The following CFAP46 variants were observed in gnomAD, a reference collection of about 807,000 sequenced individuals.
CFAP46 encodes the protein cilia and flagella associated protein 46, also known as cilia- and flagella-associated protein 46.
In CFAP46, 245 loss-of-function variants were observed where a neutral mutation model predicts 325.7. That is an observed-to-expected ratio of 0.75 (90% confidence interval 0.68 to 0.84). The LOEUF (loss-of-function observed/expected upper bound fraction) is 0.84. Ranked by LOEUF, CFAP46 falls within the 40% of genes least tolerant of loss-of-function variation. CFAP46 has a pLI of 0.00. For missense variants in CFAP46, 3,346 were observed against 3,543.0 expected, an observed-to-expected ratio of 0.94 and a Z score of 1.41; for synonymous variants, 1,523 against 1,495.9, an observed-to-expected ratio of 1.02 and a Z score of -0.42.
intron 7 of CFAP46, among the ~76,000 whole-genome samples, chr10:132,935,487 C>T (rs113682301): frequency 0.069 from 3,690 of 53,616 alleles, 1 homozygote; most frequent in Middle Eastern, 0.16. Context: ...CCAAACACAC[C>T]GTGATCTCCT....
chr10:132,866,174 G>A lies in CFAP46; in HGVS notation c.4744-3C>T. 1 of 1,517,376 alleles carries A rather than the reference G, an allele frequency of 6.6e-7. No homozygotes were observed. The highest frequency in any genetic ancestry group is 8.8e-7 in the Non-Finnish European group (1 of 1,130,318). 94.0% of individuals were successfully genotyped at this position (1,517,376 alleles called of 1,614,324 possible). A position where few individuals can be genotyped will look rare whatever the true frequency, so the allele number is the denominator to read the frequency against. ...GTCTCCCCATTCATCTTCAAAATCT[G>A]TAAGATACCGCAGCCCCAGGCGGCA... On this transcript the variant is annotated splice_region_variant and splice_polypyrimidine_tract_variant and intron_variant, in intron 34 of 57. Coordinates refer to ENST00000368586, the MANE Select transcript of CFAP46 (RefSeq NM_001200049.3).
At chr10:132,824,861 T>C (rs1848006358) in intron 50 of CFAP46, among the ~76,000 whole-genome samples, 2 of 144,488 alleles carry the variant, frequency 1.4e-5, no homozygotes, top group South Asian at 2.3e-4. Context: ...TGTGTGTGTG[T>C]GCTGATGTGT....
At chr10:132,823,312 AGTGCTGATGTGTGCGGT>A (rs1201691986) in intron 50 of CFAP46, among the ~76,000 whole-genome samples, 7 of 45,306 alleles carry the variant, frequency 1.5e-4, no homozygotes, top group East Asian at 8.7e-4. Context: ...GTGCTGTGTG[AGTGCTGATGTGTGCGGT>A]GTGCTGATGT....
chr10:132,850,313 C>A lies in CFAP46; in HGVS notation c.5883G>T (p.Arg1961Ser). 1 of 1,551,534 alleles carries A rather than the reference C, an allele frequency of 6.4e-7. No homozygotes were observed. The highest frequency in any genetic ancestry group is 8.7e-7 in the Non-Finnish European group (1 of 1,147,430). ...IRARLLGLAG[R>S]ALHLLAMQAD... ...CTTGCATGGCCAGCAGGTGCAGGGC[C>A]CTCCCGGCCAGGCCCAGGAGCCGGG... is the stretch of plus-strand genomic sequence containing the variant. The change falls in exon 41 of 58, where the codon AGG (arginine) becomes AGT (serine). Residue 1961 changes from arginine to serine, a missense_variant. Physicochemically the swap from Arg to Ser is moderately radical, Grantham distance 110. Transcript: ENST00000368586.
rs2134733463 is a variant in CFAP46 at position 132,808,735 on chromosome 10, G to A, written c.7834C>T (p.Leu2612Phe). Reference sequence around the variant, plus strand: ...TGGGTTGGCAGAGGGGCAGAGCCAAGGGCAGAGGCAAGTGCTGGGGCCCCA... The same window carrying A: ...TGGGTTGGCAGAGGGGCAGAGCCAAAGGCAGAGGCAAGTGCTGGGGCCCCA... ...AAGAPALASA[L>F]GSAPLPTHPH... The change falls in exon 58 of 58, where the codon CTT (leucine) becomes TTT (phenylalanine). Residue 2612 changes from leucine to phenylalanine, a missense_variant. Physicochemically the swap from Leu to Phe is conservative, Grantham distance 22. Coordinates refer to ENST00000368586, the MANE Select transcript of CFAP46 (RefSeq NM_001200049.3). The surrounding 1 kb of genome is among the most constrained non-coding windows in gnomAD (Gnocchi z 6.8). 1.3e-6 allele frequency: 2 copies of A among 1,573,730 alleles called. No individual in the cohort carries two copies. Among genetic ancestry groups the A allele is most frequent in the Non-Finnish European group, 1.7e-6 (2 of 1,159,788 alleles).
rs139350042 is a variant in CFAP46 at position 132,837,657 on chromosome 10, GCA to G, written c.6439-745_6439-744del. Reference sequence around the variant, plus strand: ...GACACACACGCACACGTACACAGATGCACACAGACATGCACGGACACACATGC... The same window carrying G: ...GACACACACGCACACGTACACAGATGCACAGACATGCACGGACACACATGC... On this transcript the variant is annotated intron_variant, in intron 44 of 57. Coordinates refer to ENST00000368586, the MANE Select transcript of CFAP46 (RefSeq NM_001200049.3). 8.6e-3 allele frequency among the ~76,000 whole-genome samples: 930 copies of G among 107,632 alleles called. 10 individuals carry two copies. Among genetic ancestry groups the G allele is most frequent in the Non-Finnish European group, 0.014 (735 of 53,488 alleles). 70.6% of individuals were successfully genotyped at this position (107,632 alleles called of 152,430 possible). A position where few individuals can be genotyped will look rare whatever the true frequency, so the allele number is the denominator to read the frequency against.
rs1849119915 is a variant in CFAP46 at position 132,885,806 on chromosome 10, G to A, written c.3443+15C>T. 3.2e-6 allele frequency: 5 copies of A among 1,541,892 alleles called. No individual in the cohort carries two copies. In the East Asian group the frequency reaches 9.8e-5, roughly 30 times the overall value. On this transcript the variant is annotated intron_variant, in intron 26 of 57. Coordinates refer to ENST00000368586, the MANE Select transcript of CFAP46 (RefSeq NM_001200049.3). ...GGTGGAGGGAGCACTCACAGGCGGT[G>A]GGGGGAGCACTCACAGGCGGTGGGC...
At chr10:132,888,199 T>C (rs926665903) in intron 25 of CFAP46, among the ~76,000 whole-genome samples, 1 of 151,810 alleles carries the variant, frequency 6.6e-6, no homozygotes, top group African/African-American at 2.4e-5. Flanking sequence ...TGGGCACCAA[T>C]GCGGGCTCCA....
chr10:132,878,946 G>A (rs1177814041), intron 29 of CFAP46, among the ~76,000 whole-genome samples: 1 of 152,200 alleles, frequency 6.6e-6, no homozygotes, highest in African/African-American at 2.4e-5. Context: ...GTGGTAGGAG[G>A]AGCAGGACAA....
At chr10:132,898,524 C>T (rs1849347447) in intron 24 of CFAP46, 1 of 318,934 alleles carries the variant, frequency 3.1e-6, no homozygotes, top group Non-Finnish European at 6.1e-6. Context: ...CCCCGCCACC[C>T]CACTCTGCCT....
At position 132,828,742 on chromosome 10, in the gene CFAP46, G is replaced by A. The variant is rs1848100710; in HGVS notation, c.7117+4616C>T. Among the ~76,000 whole-genome samples, 1 of 152,214 alleles carries A rather than the reference G, an allele frequency of 6.6e-6. No individual in the cohort carries two copies. The highest frequency in any genetic ancestry group is 1.5e-5 in the Non-Finnish European group (1 of 68,014). On this transcript the variant is annotated intron_variant, in intron 50 of 57. Coordinates refer to ENST00000368586, the MANE Select transcript of CFAP46 (RefSeq NM_001200049.3). This position sits in a 1 kb window ranked among gnomAD's most constrained non-coding sequence, Gnocchi z 4.9. ...GGGTCTTTGGTCTCGGATCCATTTCGAGCTGATTTTCCTGCGTGGCGTGCG... is the reference window on the plus strand; with the variant it reads ...GGGTCTTTGGTCTCGGATCCATTTCAAGCTGATTTTCCTGCGTGGCGTGCG...
intron 44 of CFAP46, among the ~76,000 whole-genome samples, chr10:132,844,473 G>C (rs553584079): frequency 6.6e-6 from 1 of 152,284 alleles, no homozygotes; most frequent in African/African-American, 2.4e-5. Context: ...CCTTTCCCGA[G>C]GCTGCTGCGG....
chr10:132,910,388 T>A (rs921178637), intron 19 of CFAP46, among the ~76,000 whole-genome samples: 4 of 152,148 alleles, frequency 2.6e-5, no homozygotes, highest in Non-Finnish European at 5.9e-5. Context: ...GCAGCTGGTA[T>A]CGGTTGGGGG....
intron 50 of CFAP46, among the ~76,000 whole-genome samples, chr10:132,823,742 T>TGC (rs1176756658): frequency 8.7e-3 from 1,198 of 137,066 alleles, no homozygotes; most frequent in Non-Finnish European, 0.015. Context: ...GTGTGCTGTG[T>TGC]GCGCTGATGT....
chr10:132,941,934 C>G, intron 2 of CFAP46, 46 bp downstream of exon 2: 3 of 1,547,682 alleles, frequency 1.9e-6, no homozygotes, highest in Non-Finnish European at 1.7e-6. Context: ...GGCCCTCCCT[C>G]TCCCTGTCAA....
Position 132,810,460 on chromosome 10 carries a change from C to A in CFAP46, c.7613G>T (p.Arg2538Ile). ...RSVGRWEANW[R>I]NSASPSEDEW... ...ATCTTCTGAAGGAGACGCACTGTTT[C>A]TCCAATTGGCTTCCCAACGGCCAAC... The change falls in exon 57 of 58, where the codon AGA (arginine) becomes ATA (isoleucine). Residue 2538 changes from arginine to isoleucine, a missense_variant. Arg to Ile is a moderately conservative substitution (Grantham distance 97). Transcript: ENST00000368586. The A allele has an allele frequency of 6.2e-7, 1 of 1,613,688 alleles. No individual in the cohort carries two copies. The highest frequency in any genetic ancestry group is 8.5e-7 in the Non-Finnish European group (1 of 1,179,974).
intron 16 of CFAP46, 93 bp downstream of exon 16, chr10:132,918,300 G>A (rs1330376590): frequency 2.6e-6 from 2 of 769,016 alleles, no homozygotes; most frequent in Non-Finnish European, 3.3e-6. Context: ...CAGCACCGAT[G>A]AACGCCCCTC....
intron 17 of CFAP46, among the ~76,000 whole-genome samples, chr10:132,915,921 T>C (rs1374115201): frequency 6.6e-6 from 1 of 152,154 alleles, no homozygotes; most frequent in Non-Finnish European, 1.5e-5. Flanking sequence ...TTCTTGTCAA[T>C]TAAAAAAATA....
Position 132,865,702 on chromosome 10 carries a change from G to A in CFAP46, c.4890+323C>T, listed in dbSNP as rs1008583531. Among the ~76,000 whole-genome samples the A allele has an allele frequency of 2.0e-5, 3 of 152,204 alleles. No individual in the cohort carries two copies. The East Asian group carries it at 5.8e-4, about 29-fold the overall frequency. ...ACCCTCTGGGGTTCTCCAAGTTCTCGTCCAGCCTCAGAAGGTAAGAAACTG... is the reference window on the plus strand; with the variant it reads ...ACCCTCTGGGGTTCTCCAAGTTCTCATCCAGCCTCAGAAGGTAAGAAACTG... On this transcript the variant is annotated intron_variant, in intron 35 of 57. Coordinates refer to ENST00000368586, the MANE Select transcript of CFAP46 (RefSeq NM_001200049.3).
Sources: allele counts gnomAD v4.1 joint callset (sites outside exome capture counted in the v4.1 genomes callset), GRCh38; gene constraint gnomAD v4.1.1; non-coding constraint Gnocchi (gnomAD v3.1); transcripts MANE v1.5; gene names NCBI Gene and HGNC (gene_info 2026-07-23, HGNC 2026-07-21).